Variants in RASA3 observed in about 807,000 individuals in gnomAD.
The protein encoded by RASA3 is RAS p21 protein activator 3.
Under a neutral mutation model 110.0 loss-of-function variants are expected in RASA3, and 73 were observed. The ratio of observed to expected loss-of-function variants is 0.66; its 90% confidence interval spans 0.55 to 0.81. The LOEUF (loss-of-function observed/expected upper bound fraction) is 0.81, where lower values mean the gene tolerates loss of function less well. RASA3 is among the 30% of genes least tolerant of loss of function. The pLI, the probability that RASA3 is intolerant of heterozygous loss-of-function variation, is 0.00. For synonymous variants in RASA3, 500 were observed against 451.4 expected (o/e 1.11, Z -1.37); for missense variants, 976 against 1,113.2 (o/e 0.88, Z 1.75).
At chr13:113,991,490 A>C (rs2053112427) in intron 22 of RASA3, among the ~76,000 whole-genome samples, 2 of 152,216 alleles carry the variant, frequency 1.3e-5, no homozygotes, top group South Asian at 4.1e-4. Flanking sequence ...TCCGAGTTCT[A>C]CCAGACACTG....
chr13:114,018,073 C>A, intron 11 of RASA3, 31 bp downstream of exon 11: 1 of 1,482,992 alleles, frequency 6.7e-7, no homozygotes, highest in Non-Finnish European at 9.0e-7. Context: ...GGGTCCAGGC[C>A]GCTCTCCCCC....
At chr13:114,051,300 A>T (rs1197436705) in intron 3 of RASA3, among the ~76,000 whole-genome samples, 1 of 152,208 alleles carries the variant, frequency 6.6e-6, no homozygotes, top group East Asian at 1.9e-4. Flanking sequence ...GCGTGAGCTC[A>T]GGCGCCACAG....
intron 22 of RASA3, among the ~76,000 whole-genome samples, chr13:113,990,808 T>C (rs2053091568): frequency 6.6e-6 from 1 of 152,262 alleles, no homozygotes; most frequent in Admixed American, 6.5e-5. Context: ...CTTGCCTGTC[T>C]GCACACACAT....
chr13:114,031,213 G>A (rs952805881), intron 4 of RASA3, among the ~76,000 whole-genome samples: 4 of 151,510 alleles, frequency 2.6e-5, no homozygotes, highest in African/African-American at 7.3e-5. Flanking sequence ...GTGGGCGTGC[G>A]ATTGTGTGTG....
chr13:114,035,511 A>G (rs1355790998), intron 4 of RASA3: 1 of 152,308 alleles, frequency 6.6e-6, no homozygotes, highest in Admixed American at 6.5e-5. Context: ...CCCCCAAAAC[A>G]GAGTTAATTA....
At chr13:114,025,845 G>A (rs2054015859) in intron 7 of RASA3, among the ~76,000 whole-genome samples, 1 of 152,218 alleles carries the variant, frequency 6.6e-6, no homozygotes, top group Non-Finnish European at 1.5e-5. Flanking sequence ...CAGCCCGCGG[G>A]GGATGTGCTC....
chr13:114,066,973 C>T (rs572244541), intron 2 of RASA3, among the ~76,000 whole-genome samples: 2 of 146,030 alleles, frequency 1.4e-5, no homozygotes, highest in Non-Finnish European at 3.0e-5. Flanking sequence ...TGAGGACAGG[C>T]CCCCCTACCT....
chr13:114,082,007 C>A (rs544623655), intron 1 of RASA3, among the ~76,000 whole-genome samples: 2 of 152,356 alleles, frequency 1.3e-5, no homozygotes, highest in South Asian at 4.1e-4. Flanking sequence ...AATGCCTGGA[C>A]CCCACCCAGA....
intron 20 of RASA3, among the ~76,000 whole-genome samples, chr13:113,998,521 C>T (rs1026274594): frequency 1.3e-5 from 2 of 152,218 alleles, no homozygotes; most frequent in Non-Finnish European, 2.9e-5. Flanking sequence ...TCCCAGCCAG[C>T]ATGTGTCAGG....
chr13:113,992,570 G>C lies in RASA3; in HGVS notation c.2160C>G (p.Ile720Met), dbSNP rs1373235273. ...CACGGTCCCCATCAATGTCCAGCTG[G>C]ATGTTGGCTGGGAGGCCGCTGTCCA... ...SPCTGGLPAN[I>M]QLDIDGDRET... Residue 720 changes from isoleucine (I) to methionine (M), a missense_variant, in exon 22 of 24, where the codon ATC becomes ATG. Physicochemically the swap from Ile to Met is conservative, Grantham distance 10 (BLOSUM62 1). Around this residue, in one of 4 missense-constraint regions of RASA3, gnomAD observed 132 missense variants for 152.8 expected, o/e 0.86. Coordinates refer to ENST00000334062, the MANE Select transcript of RASA3 (RefSeq NM_007368.4). The C allele has an allele frequency of 6.2e-7, 1 of 1,613,194 alleles. No homozygotes were observed. The highest frequency in any genetic ancestry group is 1.3e-5 in the African/African-American group (1 of 75,068).
chr13:114,069,489 C>T (rs1468095139), intron 2 of RASA3, among the ~76,000 whole-genome samples: 4 of 40,050 alleles, frequency 1.0e-4, no homozygotes, highest in Non-Finnish European at 1.4e-4. Flanking sequence ...CCGGGAGACT[C>T]GGGGGACCAG....
chr13:114,001,052 T>C (rs1594298368), intron 18 of RASA3, 120 bp from the exon 19 acceptor site: 1 of 696,624 alleles, frequency 1.4e-6, no homozygotes, highest in Non-Finnish European at 2.6e-6. Flanking sequence ...ATTTTCAATA[T>C]CTTATCATTT....
intron 1 of RASA3, among the ~76,000 whole-genome samples, chr13:114,128,257 C>A (rs9562122): frequency 0.97 from 147,732 of 152,348 alleles, 71,811 homozygotes; most frequent in East Asian, 1. Context: ...CCTCCCTCAC[C>A]TTCACAAAAC....
chr13:114,043,837 G>GCCC (rs544129523), intron 3 of RASA3, among the ~76,000 whole-genome samples: 2 of 22,834 alleles, frequency 8.8e-5, no homozygotes, highest in East Asian at 1.1e-3. Flanking sequence ...CACTCGCTGA[G>GCCC]CCCCCCGCCC....
chr13:114,004,812 C>T (rs1298482414), intron 18 of RASA3, among the ~76,000 whole-genome samples: 1 of 152,214 alleles, frequency 6.6e-6, no homozygotes, highest in East Asian at 1.9e-4. Context: ...ACCAAAAAGA[C>T]ACCTGCATGC....
chr13:114,042,045 T>A (rs768248973), intron 3 of RASA3, among the ~76,000 whole-genome samples: 3 of 152,236 alleles, frequency 2.0e-5, no homozygotes, highest in Non-Finnish European at 4.4e-5. Flanking sequence ...AAAATACGTA[T>A]CAGAATATAT....
chr13:114,117,781 A>T (rs1384111827), intron 1 of RASA3, among the ~76,000 whole-genome samples: 1 of 94,444 alleles, frequency 1.1e-5, no homozygotes, highest in African/African-American at 3.9e-5. Context: ...CACGTGTGTG[A>T]GGAGAGCACG....
intron 3 of RASA3, among the ~76,000 whole-genome samples, chr13:114,049,951 C>G (rs141557687): frequency 6.6e-6 from 1 of 152,238 alleles, no homozygotes; most frequent in Non-Finnish European, 1.5e-5. Context: ...CCATCTCCTG[C>G]AGCAGGCCCC....
At position 114,053,062 on chromosome 13, in the gene RASA3, C is replaced by T. The variant is rs187269477; in HGVS notation, c.174-907G>A. On this transcript the variant is annotated intron_variant, in intron 2 of 23. Transcript: ENST00000334062. ...CTGGCTCCTGGGGAAGAGACCCCCACTGCTGACTGTGCTTAGAGTCCTCGC... is the reference window on the plus strand; with the variant it reads ...CTGGCTCCTGGGGAAGAGACCCCCATTGCTGACTGTGCTTAGAGTCCTCGC... Among the ~76,000 whole-genome samples the T allele has an allele frequency of 3.3e-4, 48 of 146,290 alleles. 2 individuals carry two copies. Among genetic ancestry groups the T allele is most frequent in the Admixed American group, 2.0e-3 (30 of 14,738 alleles).
Sources: allele counts gnomAD v4.1 joint callset (sites outside exome capture counted in the v4.1 genomes callset), GRCh38; gene constraint gnomAD v4.1.1; regional missense constraint gnomAD v4.1.1; transcripts MANE v1.5; gene names NCBI Gene and HGNC (gene_info 2026-07-23, HGNC 2026-07-21).